The following SHISAL2A variants were observed in gnomAD, a reference collection of about 807,000 sequenced individuals.
SHISAL2A encodes the protein shisa like 2A.
In SHISAL2A, 18 loss-of-function variants were observed where a neutral mutation model predicts 11.5. The ratio of observed to expected loss-of-function variants is 1.57; its 90% confidence interval spans 1.08 to 2.33. SHISAL2A has a LOEUF of 2.33. Among genes scored for constraint, SHISAL2A ranks in the 30% most tolerant of loss-of-function variants. SHISAL2A has a pLI of 0.00. For missense variants in SHISAL2A, 261 were observed against 250.9 expected (o/e 1.04, Z -0.27); for synonymous variants, 94 against 99.6 (o/e 0.94, Z 0.34).
rs752991160 is a variant in SHISAL2A, at chr1:52,633,666, G to A, written c.173G>A (p.Trp58Ter). Residue 58 changes from tryptophan to a stop codon, truncating the protein, a stop_gained, in exon 1 of 3, where the codon TGG becomes TAG. Coordinates refer to ENST00000517870, the MANE Select transcript of SHISAL2A (RefSeq NM_001042693.3). LOFTEE classifies it high-confidence loss of function. The surrounding 1 kb of genome is among the most constrained non-coding windows in gnomAD (Gnocchi z 6.4). ...TTCCCCTACGAGCACAGCTACATGT[G>A]GTGGCTCAGGTACCGTCCCTGGCCC... ...SFFPYEHSYM[W>*]WLSIGALIGL... 2.5e-6 allele frequency: 4 copies of A among 1,607,588 alleles called. No individual in the cohort carries two copies. The highest frequency in any genetic ancestry group is 1.1e-5 in the South Asian group (1 of 90,342).
chr1:52,653,679 A>G (rs1691724081), intron 2 of SHISAL2A, among the ~76,000 whole-genome samples: 1 of 152,162 alleles, frequency 6.6e-6, no homozygotes, highest in Admixed American at 6.6e-5. Flanking sequence ...AAGACCTAAA[A>G]TGGAGAAATA....
At chr1:52,661,904 G>T (rs1359723334), downstream of SHISAL2A, among the ~76,000 whole-genome samples, 2 of 152,022 alleles carry the variant, frequency 1.3e-5, no homozygotes, top group African/African-American at 4.8e-5. Context: ...ATGGTGGCAG[G>T]TGCCTGTAAT....
At chr1:52,657,763 G>A (rs1442876269), downstream of SHISAL2A, among the ~76,000 whole-genome samples, 2 of 152,162 alleles carry the variant, frequency 1.3e-5, no homozygotes, top group Non-Finnish European at 2.9e-5. Context: ...GCTGAAGCAG[G>A]AGAATCAGTT....
chr1:52,664,406 A>T (rs893004068), intron 4 of SHISAL2A, among the ~76,000 whole-genome samples: 6 of 150,062 alleles, frequency 4.0e-5, no homozygotes, highest in African/African-American at 1.5e-4. Context: ...CCCAGGCTGG[A>T]GTGCAGTGGC....
downstream of SHISAL2A, among the ~76,000 whole-genome samples, chr1:52,657,923 C>T (rs1460982114): frequency 6.6e-6 from 1 of 152,226 alleles, no homozygotes; most frequent in African/African-American, 2.4e-5. Flanking sequence ...GACTCTGCCA[C>T]TGTGTGGCCT....
At chr1:52,643,984 T>A (rs1418410028) in intron 2 of SHISAL2A, among the ~76,000 whole-genome samples, 1 of 152,122 alleles carries the variant, frequency 6.6e-6, no homozygotes. Flanking sequence ...TGGCAAAAGA[T>A]CTTTCAGTAT....
At chr1:52,660,333 C>T (rs1278179104), downstream of SHISAL2A, among the ~76,000 whole-genome samples, 2 of 152,108 alleles carry the variant, frequency 1.3e-5, no homozygotes, top group Admixed American at 1.3e-4. Flanking sequence ...CCCAACAGCT[C>T]CTCTCCTTTG....
At chr1:52,657,095 T>C (rs1691808245), downstream of SHISAL2A, 1 of 1,524,876 alleles carries the variant, frequency 6.6e-7, no homozygotes, top group Admixed American at 2.1e-5. Context: ...CAGTGAAAGG[T>C]GGGAGTGGGA....
At chr1:52,644,092 A>G (rs571861020) in intron 2 of SHISAL2A, among the ~76,000 whole-genome samples, 339 of 152,332 alleles carry the variant, frequency 2.2e-3, no homozygotes, top group Non-Finnish European at 4.0e-3. Flanking sequence ...TTAAGGTGTC[A>G]TAGCTAATAA....
chr1:52,642,604 T>C (rs1352678507), intron 1 of SHISAL2A, among the ~76,000 whole-genome samples: 2 of 152,108 alleles, frequency 1.3e-5, no homozygotes, highest in African/African-American at 2.4e-5. Context: ...AGCTAAGTTT[T>C]GTATTTTTAG....
chr1:52,644,235 G>A (rs1189831945), intron 2 of SHISAL2A, among the ~76,000 whole-genome samples: 1 of 152,006 alleles, frequency 6.6e-6, no homozygotes, highest in Non-Finnish European at 1.5e-5. Flanking sequence ...GGATACTTGA[G>A]TTAGTGTTGA....
chr1:52,650,466 T>C (rs1031448719), intron 2 of SHISAL2A, among the ~76,000 whole-genome samples: 9 of 152,136 alleles, frequency 5.9e-5, no homozygotes, highest in African/African-American at 2.2e-4. Flanking sequence ...ATGTGTACCC[T>C]CATAGCTACT....
At chr1:52,650,752 C>G (rs545973638) in intron 2 of SHISAL2A, among the ~76,000 whole-genome samples, 4 of 143,058 alleles carry the variant, frequency 2.8e-5, no homozygotes, top group East Asian at 2.2e-4. Context: ...TCAAGCAATT[C>G]TCCTGCCTCA....
chr1:52,669,171 T>C (rs1277422091), exon 6 of SHISAL2A: 1 of 142,214 alleles, frequency 7.0e-6, no homozygotes, highest in Non-Finnish European at 1.5e-5. Context: ...GAGATGGGGC[T>C]TCTCTTATTG....
chr1:52,634,074 A>G (rs1254909743), intron 1 of SHISAL2A, among the ~76,000 whole-genome samples: 1 of 151,970 alleles, frequency 6.6e-6, no homozygotes, highest in Non-Finnish European at 1.5e-5. Flanking sequence ...TGCCCTTCCT[A>G]ATATCAACAC....
rs756846089 is a variant in SHISAL2A, at chr1:52,656,846, G to C, written c.379G>C (p.Val127Leu). The part of the protein sequence containing the change: ...QGVNTGMAAE[V>L]PKVSPLQQSY... The stretch of plus-strand genomic sequence containing the variant: ...TGTGAACACAGGCATGGCGGCAGAA[G>C]TGCCAAAAGTGAGCCCTCTCCAGCA... The change falls in exon 3 of 3, where the codon GTG becomes CTG. Residue 127 changes from valine (V) to leucine (L), a missense_variant. Physicochemically the swap from Val to Leu is conservative, Grantham distance 32 (BLOSUM62 1). Coordinates refer to ENST00000517870, the MANE Select transcript of SHISAL2A (RefSeq NM_001042693.3). The C allele has an allele frequency of 6.2e-7, 1 of 1,614,094 alleles. No individual in the cohort carries two copies. Among genetic ancestry groups the C allele is most frequent in the East Asian group, 2.2e-5 (1 of 44,868 alleles).
intron 2 of SHISAL2A, among the ~76,000 whole-genome samples, chr1:52,655,541 A>G (rs1013640998): frequency 5.3e-5 from 8 of 150,444 alleles, no homozygotes; most frequent in Non-Finnish European, 1.2e-4. Flanking sequence ...TGGGAAGATC[A>G]CCTGAGCCCA....
intron 1 of SHISAL2A, among the ~76,000 whole-genome samples, chr1:52,641,867 C>A (rs553442767): frequency 1.3e-5 from 2 of 152,004 alleles, no homozygotes; most frequent in South Asian, 4.2e-4. Context: ...CTTTGGGAGG[C>A]CAAAATGAGT....
chr1:52,663,863 G>C (rs1280523942), intron 4 of SHISAL2A, among the ~76,000 whole-genome samples: 1 of 152,214 alleles, frequency 6.6e-6, no homozygotes, highest in African/African-American at 2.4e-5. Flanking sequence ...TCTATTCTTG[G>C]ATATGTTGTT....
Sources: allele counts gnomAD v4.1 joint callset (sites outside exome capture counted in the v4.1 genomes callset), GRCh38; gene constraint gnomAD v4.1.1; non-coding constraint Gnocchi (gnomAD v3.1); transcripts MANE v1.5; gene names NCBI Gene and HGNC (gene_info 2026-07-23, HGNC 2026-07-21).